The following AXL variants were observed in gnomAD, a reference collection of about 807,000 sequenced individuals.
The protein encoded by AXL is AXL receptor tyrosine kinase.
In AXL, 52 loss-of-function variants were observed where a neutral mutation model predicts 104.5. That is an observed-to-expected ratio of 0.50 (90% CI 0.40 to 0.63). The LOEUF (loss-of-function observed/expected upper bound fraction) is 0.63. AXL is among the 20% of genes least tolerant of loss of function. AXL has a pLI of 0.00. For missense variants in AXL, 1,024 were observed against 1,188.5 expected, an observed-to-expected ratio of 0.86 and a Z score of 2.04; for synonymous variants, 455 against 473.7, an observed-to-expected ratio of 0.96 and a Z score of 0.51.
intron 4 of AXL, among the ~76,000 whole-genome samples, chr19:41,230,430 C>G (rs1210711796): frequency 6.7e-6 from 1 of 148,696 alleles, no homozygotes; most frequent in Non-Finnish European, 1.5e-5. Flanking sequence ...GTGAGTGTGC[C>G]TGTGACTGTG....
intron 12 of AXL, among the ~76,000 whole-genome samples, chr19:41,244,065 A>G (rs1358920279): frequency 6.6e-6 from 1 of 151,824 alleles, no homozygotes; most frequent in Non-Finnish European, 1.5e-5. Context: ...TTAGCCAGGT[A>G]TGGTGGTGTG....
chr19:41,234,715 C>G (rs1243908755), intron 6 of AXL, among the ~76,000 whole-genome samples: 1 of 152,200 alleles, frequency 6.6e-6, no homozygotes, highest in African/African-American at 2.4e-5. Context: ...GACACTCACT[C>G]TAGGTCACAC....
chr19:41,244,124 AGCC>A (rs2034232231), intron 12 of AXL, among the ~76,000 whole-genome samples: 4 of 151,972 alleles, frequency 2.6e-5, no homozygotes, highest in Non-Finnish European at 5.9e-5. Flanking sequence ...GGATCACCTG[AGCC>A]CAGGGAGGTC....
chr19:41,221,572 C>T (rs2033791867), intron 3 of AXL: 4 of 502,482 alleles, frequency 8.0e-6, no homozygotes, highest in Non-Finnish European at 1.4e-5. Context: ...CGCAACGTAC[C>T]CCTGTCCCCA....
intron 14 of AXL, among the ~76,000 whole-genome samples, chr19:41,251,995 C>T (rs2034370955): frequency 1.3e-5 from 2 of 151,100 alleles, no homozygotes; most frequent in Admixed American, 6.6e-5. Context: ...CGCCTGTAGT[C>T]CCAGCTACTC....
intron 17 of AXL, among the ~76,000 whole-genome samples, chr19:41,254,009 C>T (rs1364213433): frequency 6.6e-6 from 1 of 151,936 alleles, no homozygotes; most frequent in Non-Finnish European, 1.5e-5. Context: ...ACGTGAGCTG[C>T]ATCTCTGTCC....
intron 14 of AXL, among the ~76,000 whole-genome samples, chr19:41,251,822 A>C (rs1317900198): frequency 6.6e-6 from 1 of 152,058 alleles, no homozygotes; most frequent in Admixed American, 6.6e-5. Flanking sequence ...GAGTTAATAT[A>C]TATAAAGTTG....
Position 41,252,840 on chromosome 19 carries a change from G to T in AXL, c.1805-6G>T. ...CAGGAGTGACAGGGCTACCTGGGGG[G>T]CTCAGGTGTCTGTTTCCAGGGTTCT... is the stretch of plus-strand genomic sequence containing the variant. On this transcript the variant is annotated splice_polypyrimidine_tract_variant and splice_region_variant and intron_variant, in intron 15 of 19. Coordinates refer to ENST00000301178, the MANE Select transcript of AXL (RefSeq NM_021913.5). The T allele has an allele frequency of 6.2e-7, 1 of 1,613,764 alleles. No homozygotes were observed. The highest frequency in any genetic ancestry group is 8.5e-7 in the Non-Finnish European group (1 of 1,179,990).
In AXL at chr19:41,232,929, T is replaced by C. The variant is rs539743583; in HGVS notation, c.783+1631T>C. Among the ~76,000 whole-genome samples the C allele has an allele frequency of 3.9e-5, 6 of 152,220 alleles. No individual in the cohort carries two copies. The South Asian group carries it at 1.2e-3, about 32-fold the overall frequency. The stretch of plus-strand genomic sequence containing the variant: ...AGGCTCAGAGTGGTTAACCAGATTG[T>C]CCAAGGTCACATCAAACCCATGTCA... On this transcript the variant is annotated intron_variant, in intron 6 of 19. Coordinates refer to ENST00000301178, the MANE Select transcript of AXL (RefSeq NM_021913.5).
chr19:41,259,919 T>C lies in AXL; in HGVS notation c.*15T>C. 2.0e-6 allele frequency: 3 copies of C among 1,533,400 alleles called. No individual in the cohort carries two copies. The highest frequency in any genetic ancestry group is 1.4e-5 in the African/African-American group (1 of 72,598). 95.0% of individuals were successfully genotyped at this position (1,533,400 alleles called of 1,614,324 possible). A position where few individuals can be genotyped will look rare whatever the true frequency, so the allele number is the denominator to read the frequency against. ...ATGGTGCCTGAGACAACCCTCCACC[T>C]GGTACTCCCTCTCAGGATCCAAGCT... On this transcript the variant is annotated 3_prime_UTR_variant, in exon 20 of 20. Transcript: ENST00000301178.
At chr19:41,235,475 G>C (rs2034064706) in intron 6 of AXL, among the ~76,000 whole-genome samples, 1 of 152,162 alleles carries the variant, frequency 6.6e-6, no homozygotes, top group Admixed American at 6.5e-5. Flanking sequence ...AGTCAACCCT[G>C]TGAAGTGGGG....
In AXL at chr19:41,219,385, T is replaced by C. The variant is rs1455323649; in HGVS notation, c.-8T>C. On this transcript the variant is annotated 5_prime_UTR_variant, in exon 1 of 20. Coordinates refer to ENST00000301178, the MANE Select transcript of AXL (RefSeq NM_021913.5). ...AGCCCAACAACTTCTGAGGAAAGTT[T>C]GGCACCCATGGCGTGGCGGTGCCCC... 3 of 1,587,604 alleles carry C rather than the reference T, an allele frequency of 1.9e-6. No individual in the cohort carries two copies. The highest frequency in any genetic ancestry group is 2.6e-6 in the Non-Finnish European group (3 of 1,167,510).
chr19:41,221,685 C>A (rs2033793589), intron 3 of AXL, 195 bp from the exon 4 acceptor site: 2 of 586,774 alleles, frequency 3.4e-6, no homozygotes, highest in Non-Finnish European at 3.0e-6. Flanking sequence ...CGTGGGGGGT[C>A]TGACATGGGA....
rs2034113081 is a variant in AXL at position 41,238,078 on chromosome 19, C to T, written c.918C>T (p.His306=). 1.2e-6 allele frequency: 2 copies of T among 1,614,076 alleles called. No homozygotes were observed. The highest frequency in any genetic ancestry group is 8.5e-7 in the Non-Finnish European group (1 of 1,180,000). ...LGSLHPHTPY[H]IRVACTSSQG... ...GCCTCCATCCTCACACCCCTTATCA[C>T]ATCCGCGTGGCATGCACCAGCAGCC... Residue 306 remains histidine, a synonymous_variant, in exon 7 of 20, where the codon CAC becomes CAT. Transcript: ENST00000301178.
At chr19:41,238,396 C>T in intron 7 of AXL, 74 bp from the exon 8 acceptor site, 1 of 1,571,316 alleles carries the variant, frequency 6.4e-7, no homozygotes, top group South Asian at 1.2e-5. Flanking sequence ...GCACCCTGCA[C>T]CCACTTCCTG....
chr19:41,256,309 TG>T, intron 17 of AXL, 142 bp from the exon 18 acceptor site: 1 of 952,274 alleles, frequency 1.1e-6, no homozygotes, highest in Non-Finnish European at 1.6e-6. Context: ...CCTTCTGGAC[TG>T]GGATGAAGGT....
At chr19:41,224,319 C>A (rs566092701) in intron 4 of AXL, among the ~76,000 whole-genome samples, 1 of 152,042 alleles carries the variant, frequency 6.6e-6, no homozygotes, top group Admixed American at 6.6e-5. Context: ...GCTTGTGTTC[C>A]CTTGCAGAAT....
At chr19:41,235,935 GC>G (rs1358864082) in intron 6 of AXL, among the ~76,000 whole-genome samples, 1 of 151,954 alleles carries the variant, frequency 6.6e-6, no homozygotes, top group African/African-American at 2.4e-5. Flanking sequence ...GGTGGCTCAC[GC>G]CTGTAATCCC....
chr19:41,253,260 G>T (rs1013004105), intron 16 of AXL, among the ~76,000 whole-genome samples: 4 of 152,168 alleles, frequency 2.6e-5, no homozygotes, highest in South Asian at 2.1e-4. Flanking sequence ...AGGAGTTGGG[G>T]CTGGGGAGAT....
Sources: allele counts gnomAD v4.1 joint callset (sites outside exome capture counted in the v4.1 genomes callset), GRCh38; gene constraint gnomAD v4.1.1; transcripts MANE v1.5; gene names NCBI Gene and HGNC (gene_info 2026-07-23, HGNC 2026-07-21).